ZNF891: variants seen among roughly 807,000 people sequenced by gnomAD.
ZNF891 encodes hCG1646157.
For missense variants in ZNF891, 589 were observed against 632.7 expected, an observed-to-expected ratio of 0.93 and a Z score of 0.74; for synonymous variants, 199 against 209.0, an observed-to-expected ratio of 0.95 and a Z score of 0.41.
intron 1 of ZNF891, chr12:133,122,415 T>C (rs1402901470): frequency 5.9e-6 from 1 of 168,904 alleles, no homozygotes; most frequent in Non-Finnish European, 1.2e-5. Context: ...AACACACCTG[T>C]TTCATATAAA....
chr12:133,106,280 A>T lies in ZNF891; in HGVS notation c.*14004T>A, dbSNP rs142419506. The stretch of plus-strand genomic sequence containing the variant: ...AACCCCGTATGAATGTAATGAATGT[A>T]GGAAAGCTTTCCGTTGTCACTCATT... On this transcript the variant is annotated 3_prime_UTR_variant, in exon 2 of 2. Transcript: ENST00000537226. 1 of 1,614,204 alleles carries T rather than the reference A, an allele frequency of 6.2e-7. No individual in the cohort carries two copies. The highest frequency in any genetic ancestry group is 8.5e-7 in the Non-Finnish European group (1 of 1,180,014).
chr12:133,116,355 C>T lies in ZNF891; in HGVS notation c.*3929G>A, dbSNP rs11147237. 2.3e-3 allele frequency: 344 copies of T among 152,566 alleles called. No homozygotes were observed. Among genetic ancestry groups the T allele is most frequent in the Admixed American group, 4.3e-3 (66 of 15,286 alleles). 9.5% of individuals were successfully genotyped at this position (152,566 alleles called of 1,614,324 possible). A position where few individuals can be genotyped will look rare whatever the true frequency, so the allele number is the denominator to read the frequency against. The stretch of plus-strand genomic sequence containing the variant: ...TCCTGACCTCGTGATCCGCCTGCCT[C>T]GGCCTCCCAAAGTGCTGGGATTAGA... On this transcript the variant is annotated 3_prime_UTR_variant, in exon 2 of 2. Coordinates refer to ENST00000537226, the MANE Select transcript of ZNF891 (RefSeq NM_001277291.2).
chr12:133,122,559 C>A (rs12422666), intron 1 of ZNF891, among the ~76,000 whole-genome samples: 1 of 151,948 alleles, frequency 6.6e-6, no homozygotes, highest in Non-Finnish European at 1.5e-5. Context: ...TGAGAACATA[C>A]GGACACAGGG....
Position 133,120,956 on chromosome 12 carries a change from T to G in ZNF891, c.963A>C (p.Glu321Asp). 1 of 1,535,942 alleles carries G rather than the reference T, an allele frequency of 6.5e-7. No individual in the cohort carries two copies. The highest frequency in any genetic ancestry group is 1.4e-5 in the African/African-American group (1 of 73,180). The change falls in exon 2 of 2, where the codon GAA becomes GAC. Residue 321 changes from glutamate to aspartate, a missense_variant. Physicochemically the swap from Glu to Asp is conservative, Grantham distance 45. Coordinates refer to ENST00000537226, the MANE Select transcript of ZNF891 (RefSeq NM_001277291.2). ...TGAAGGCTTTTCCACATTGATTGCA[T>G]TCATGTTTCTTTTCAGTATGAGTTT... ...QGQTHTEKKH[E>D]CNQCGKAFKR... is the part of the protein sequence containing the mutation.
At chr12:133,122,297 T>C in intron 1 of ZNF891, 2 of 901,130 alleles carry the variant, frequency 2.2e-6, no homozygotes, top group Non-Finnish European at 2.7e-6. Context: ...AAATGTAAAC[T>C]AAAGAGAACC....
Position 133,112,393 on chromosome 12 carries a change from C to T in ZNF891, c.*7891G>A, listed in dbSNP as rs1342386746. ...CTGGAGTGCAGTGGCACTATCTTGG[C>T]TCACTGCAACCTCCGCCTCCTGGGT... On this transcript the variant is annotated 3_prime_UTR_variant, in exon 2 of 2. Transcript: ENST00000537226. The T allele has an allele frequency of 6.6e-6, 1 of 152,404 alleles. No individual in the cohort carries two copies. The highest frequency in any genetic ancestry group is 1.5e-5 in the Non-Finnish European group (1 of 68,372). The allele number at this position is 152,404 out of a possible 1,614,324, so 9.4% of individuals were successfully genotyped here.
At chr12:133,128,757 C>A (rs1242959735) in intron 1 of ZNF891, among the ~76,000 whole-genome samples, 1 of 149,108 alleles carries the variant, frequency 6.7e-6, no homozygotes. Flanking sequence ...CACGCCACTG[C>A]ACTCCAGCCT....
chr12:133,107,933 AAT>A lies in ZNF891; in HGVS notation c.*12349_*12350del, dbSNP rs1457072806. 6.6e-6 allele frequency: 1 copy of A among 152,218 alleles called. No homozygotes were observed. 9.4% of individuals were successfully genotyped at this position (152,218 alleles called of 1,614,324 possible). A position where few individuals can be genotyped will look rare whatever the true frequency, so the allele number is the denominator to read the frequency against. On this transcript the variant is annotated 3_prime_UTR_variant, in exon 2 of 2. Transcript: ENST00000537226. ...CATTTGTAGGAGGTGTTATTAGATA[AAT>A]ATAAGTAATTTTGTAAGAGGTGAAA...
Position 133,116,139 on chromosome 12 carries a change from C to T in ZNF891, c.*4145G>A, listed in dbSNP as rs2137613580. ...GATTTTCTTGAGACGGAGTCTTGCT[C>T]TGTCACCTAGGCCGGAATGCAGTGG... On this transcript the variant is annotated 3_prime_UTR_variant, in exon 2 of 2. Transcript: ENST00000537226. 1 of 152,386 alleles carries T rather than the reference C, an allele frequency of 6.6e-6. No individual in the cohort carries two copies. Among genetic ancestry groups the T allele is most frequent in the African/African-American group, 2.4e-5 (1 of 41,564 alleles). 9.4% of individuals were successfully genotyped at this position (152,386 alleles called of 1,614,324 possible). A position where few individuals can be genotyped will look rare whatever the true frequency, so the allele number is the denominator to read the frequency against.
intron 1 of ZNF891, among the ~76,000 whole-genome samples, chr12:133,127,557 G>A (rs1337461668): frequency 1.3e-5 from 2 of 152,156 alleles, no homozygotes; most frequent in East Asian, 3.9e-4. Flanking sequence ...ACAAATGTGA[G>A]GAAAAAGTAA....
At position 133,120,221 on chromosome 12, in the gene ZNF891, T is replaced by G; in HGVS notation, c.*63A>C. 4 of 1,322,468 alleles carry G rather than the reference T, an allele frequency of 3.0e-6. No homozygotes were observed. The highest frequency in any genetic ancestry group is 1.5e-5 in the African/African-American group (1 of 67,542). 81.9% of individuals were successfully genotyped at this position (1,322,468 alleles called of 1,614,324 possible). ...AATCGTTCTTTTAGAGAACAAAGAC[T>G]GAGACAAGGAGCTTGGAATCCACCT... On this transcript the variant is annotated 3_prime_UTR_variant, in exon 2 of 2. Transcript: ENST00000537226.
At position 133,114,371 on chromosome 12, in the gene ZNF891, G is replaced by C. The variant is rs1487769000; in HGVS notation, c.*5913C>G. On this transcript the variant is annotated 3_prime_UTR_variant, in exon 2 of 2. Coordinates refer to ENST00000537226, the MANE Select transcript of ZNF891 (RefSeq NM_001277291.2). The stretch of plus-strand genomic sequence containing the variant: ...ATGGAGTCTCATGTTACTCAGGCTG[G>C]TCTCAAACTCCTGGGCTCAAGCAAT... 4 of 152,214 alleles carry C rather than the reference G, an allele frequency of 2.6e-5. No individual in the cohort carries two copies. Among genetic ancestry groups the C allele is most frequent in the African/African-American group, 4.8e-5 (2 of 41,400 alleles). The allele number at this position is 152,214 out of a possible 1,614,324, so 9.4% of individuals were successfully genotyped here.
chr12:133,120,810 T>G lies in ZNF891; in HGVS notation c.1109A>C (p.His370Pro), dbSNP rs1003538291. Residue 370 changes from histidine (H) to proline (P), a missense_variant, in exon 2 of 2, where the codon CAC becomes CCC. Coordinates refer to ENST00000537226, the MANE Select transcript of ZNF891 (RefSeq NM_001277291.2). ...ACATTCATAGGGTTTCTCTCCAGTG[T>G]GAGTTCTTACATGTCTCCTTAAGGT... is the stretch of plus-strand genomic sequence containing the variant. ...SSTLRRHVRTHTGEKPYECNQ... is the reference protein window; with the variant it reads ...SSTLRRHVRTPTGEKPYECNQ... 1 of 1,568,118 alleles carries G rather than the reference T, an allele frequency of 6.4e-7. No homozygotes were observed. Among genetic ancestry groups the G allele is most frequent in the Non-Finnish European group, 8.6e-7 (1 of 1,157,792 alleles).
rs1298031434 is a variant in ZNF891, at chr12:133,106,381, G to C, written c.*13903C>G. On this transcript the variant is annotated 3_prime_UTR_variant, in exon 2 of 2. Coordinates refer to ENST00000537226, the MANE Select transcript of ZNF891 (RefSeq NM_001277291.2). ...ATGAATGTGGTAAAGTTTTCACTTG[G>C]CATGCATCCCTTATTCAACATACGA... 1 of 1,613,940 alleles carries C rather than the reference G, an allele frequency of 6.2e-7. No homozygotes were observed. The highest frequency in any genetic ancestry group is 1.3e-5 in the African/African-American group (1 of 74,880).
At position 133,111,414 on chromosome 12, in the gene ZNF891, C is replaced by G. The variant is rs1955682015; in HGVS notation, c.*8870G>C. Reference sequence around the variant, plus strand: ...ACTGAGGAGGCTGAGGTAGGAGGATCACATGAGCCCAGAAGGTTGAGGTGG... The same window carrying G: ...ACTGAGGAGGCTGAGGTAGGAGGATGACATGAGCCCAGAAGGTTGAGGTGG... On this transcript the variant is annotated 3_prime_UTR_variant, in exon 2 of 2. Transcript: ENST00000537226. 6.6e-6 allele frequency: 1 copy of G among 152,082 alleles called. No homozygotes were observed. Among genetic ancestry groups the G allele is most frequent in the Non-Finnish European group, 1.5e-5 (1 of 68,032 alleles). The allele number at this position is 152,082 out of a possible 1,614,324, so 9.4% of individuals were successfully genotyped here. A position where few individuals can be genotyped will look rare whatever the true frequency, so the allele number is the denominator to read the frequency against.
At position 133,118,361 on chromosome 12, in the gene ZNF891, CCTTCCCTTTTCA is replaced by C. The variant is rs1390736026; in HGVS notation, c.*1911_*1922del. 2.0e-5 allele frequency: 3 copies of C among 152,122 alleles called. No homozygotes were observed. Among genetic ancestry groups the C allele is most frequent in the Admixed American group, 1.3e-4 (2 of 15,250 alleles). 9.4% of individuals were successfully genotyped at this position (152,122 alleles called of 1,614,324 possible). A position where few individuals can be genotyped will look rare whatever the true frequency, so the allele number is the denominator to read the frequency against. ...GTATGTCTTCAGGGTAGGTGGCAGA[CCTTCCCTTTTCA>C]TTCTTACTCACCTTCCAAAGCCTGT... On this transcript the variant is annotated 3_prime_UTR_variant, in exon 2 of 2. Coordinates refer to ENST00000537226, the MANE Select transcript of ZNF891 (RefSeq NM_001277291.2).
intron 1 of ZNF891, among the ~76,000 whole-genome samples, chr12:133,124,752 TA>T (rs1391047027): frequency 4.8e-5 from 7 of 144,744 alleles, no homozygotes; most frequent in Non-Finnish European, 1.1e-4. Flanking sequence ...AAAGGCCTTT[TA>T]TATTGCTCTC....
chr12:133,121,810 T>C lies in ZNF891; in HGVS notation c.109A>G (p.Thr37Ala). The C allele has an allele frequency of 6.5e-7, 1 of 1,536,796 alleles. No homozygotes were observed. The highest frequency in any genetic ancestry group is 1.2e-5 in the South Asian group (1 of 84,062). The change falls in exon 2 of 2, where the codon ACC becomes GCC. Residue 37 changes from threonine to alanine, a missense_variant. Physicochemically the swap from Thr to Ala is moderately conservative, Grantham distance 58. Coordinates refer to ENST00000537226, the MANE Select transcript of ZNF891 (RefSeq NM_001277291.2). Reference protein sequence around the residue: ...EERMIAVFLTTWLQEPMTFKD... With the variant: ...EERMIAVFLTAWLQEPMTFKD... ...AAAGTCATTGGTTCCTGTAACCAGG[T>C]TGTCAGAAATACAGCAATCATCCTT...
Position 133,105,192 on chromosome 12 carries a change from T to C in ZNF891, c.*15092A>G, listed in dbSNP as rs898548696. ...TTATGAAATTGCCATTTTTAGATAA[T>C]TCTGGCAGTAAATACCGTTTAAATG... is the stretch of plus-strand genomic sequence containing the variant. On this transcript the variant is annotated 3_prime_UTR_variant, in exon 2 of 2. Transcript: ENST00000537226. 6.6e-6 allele frequency among the ~76,000 whole-genome samples: 1 copy of C among 152,210 alleles called. No individual in the cohort carries two copies. The highest frequency in any genetic ancestry group is 3.2e-3 in the Middle Eastern group (1 of 316).
Sources: allele counts gnomAD v4.1 joint callset (sites outside exome capture counted in the v4.1 genomes callset), GRCh38; gene constraint gnomAD v4.1.1; transcripts MANE v1.5; gene names NCBI Gene and HGNC (gene_info 2026-07-23, HGNC 2026-07-21).